The following ATP11A variants were observed in gnomAD, a reference collection of about 807,000 sequenced individuals.
ATP11A encodes the protein phospholipid-transporting ATPase IH.
In ATP11A, 81 loss-of-function variants were observed where a neutral mutation model predicts 154.4. The ratio of observed to expected loss-of-function variants is 0.52; its 90% CI spans 0.44 to 0.63. The LOEUF (loss-of-function observed/expected upper bound fraction) is 0.63. Ranked by LOEUF, ATP11A falls within the 30% of genes least tolerant of loss-of-function variation. ATP11A has a pLI of 0.00. For missense variants in ATP11A, 1,316 were observed against 1,474.3 expected (o/e 0.89, Z 1.76); for synonymous variants, 623 against 585.9 (o/e 1.06, Z -0.91).
Position 112,859,382 on chromosome 13 carries a change from T to C in ATP11A, c.2668-11T>C. ...CCGTCACCGAACTAACAGTTATGCC[T>C]TGCCTTTCAGAACGTCTGCTTCATC... On this transcript the variant is annotated splice_polypyrimidine_tract_variant and intron_variant, in intron 22 of 29. Coordinates refer to ENST00000375645, the MANE Select transcript of ATP11A (RefSeq NM_015205.3). This position sits in a 1 kb window ranked among gnomAD's most constrained non-coding sequence, Gnocchi z 4.3. 1 of 1,613,612 alleles carries C rather than the reference T, an allele frequency of 6.2e-7. No individual in the cohort carries two copies. The highest frequency in any genetic ancestry group is 8.5e-7 in the Non-Finnish European group (1 of 1,179,508).
intron 2 of ATP11A, among the ~76,000 whole-genome samples, chr13:112,804,527 G>A (rs1261997230): frequency 1.5e-5 from 2 of 135,158 alleles, no homozygotes; most frequent in African/African-American, 2.9e-5. Flanking sequence ...CTGAGCTGTG[G>A]ACAAGAAACA....
chr13:112,733,849 A>C (rs908457098), intron 1 of ATP11A, among the ~76,000 whole-genome samples: 2 of 152,116 alleles, frequency 1.3e-5, no homozygotes, highest in Admixed American at 6.5e-5. Context: ...TGGACAGCCA[A>C]ATCTCATTTT....
Position 112,810,716 on chromosome 13 carries a change from G to A in ATP11A, c.431G>A (p.Arg144Gln), listed in dbSNP as rs367846799. ...QHGKLVRKQS[R>Q]KLRVGDIVMV... is the part of the protein sequence containing the mutation. ...GGCAAGCTCGTTCGGAAACAAAGTC[G>A]AAAGCTGCGAGTAAGTGACACCCGA... is the stretch of plus-strand genomic sequence containing the variant. The change falls in exon 5 of 30, where the codon CGA becomes CAA. Residue 144 changes from arginine (R) to glutamine (Q), a missense_variant. By Grantham distance (43) the Arg-to-Gln change is conservative. Transcript: ENST00000375645. 78 of 1,613,870 alleles carry A rather than the reference G, an allele frequency of 4.8e-5. No homozygotes were observed. In the South Asian group the frequency reaches 6.6e-4, roughly 14 times the overall value.
chr13:112,859,176 C>T lies in ATP11A; in HGVS notation c.2668-217C>T, dbSNP rs1488126208. On this transcript the variant is annotated intron_variant, in intron 22 of 29. Coordinates refer to ENST00000375645, the MANE Select transcript of ATP11A (RefSeq NM_015205.3). The surrounding 1 kb of genome is among the most constrained non-coding windows in gnomAD (Gnocchi z 4.3). Reference sequence around the variant, plus strand: ...TTCTCTTGGAGCTGACAAATTTCCTCTATACGTTGTCTGTCCTGAGTGGCC... The same window carrying T: ...TTCTCTTGGAGCTGACAAATTTCCTTTATACGTTGTCTGTCCTGAGTGGCC... The T allele has an allele frequency of 5.3e-6, 3 of 562,518 alleles. No homozygotes were observed. The highest frequency in any genetic ancestry group is 3.0e-5 in the East Asian group (1 of 33,222). 34.8% of individuals were successfully genotyped at this position (562,518 alleles called of 1,614,324 possible). A position where few individuals can be genotyped will look rare whatever the true frequency, so the allele number is the denominator to read the frequency against.
Position 112,819,313 on chromosome 13 carries a change from G to A in ATP11A, c.580G>A (p.Ala194Thr), listed in dbSNP as rs756462545. Residue 194 changes from alanine (A) to threonine (T), a missense_variant, in exon 7 of 30, where the codon GCG (alanine) becomes ACG (threonine). Physicochemically the swap from Ala to Thr is moderately conservative, Grantham distance 58. Coordinates refer to ENST00000375645, the MANE Select transcript of ATP11A (RefSeq NM_015205.3). ...DGESSHKTHYAVQDTKGFHTE... is the reference protein window; with the variant it reads ...DGESSHKTHYTVQDTKGFHTE... ...TCTTGTGCATTTGTAGACGCATTAC[G>A]CGGTCCAGGACACCAAAGGCTTCCA... The A allele has an allele frequency of 8.1e-6, 13 of 1,614,048 alleles. No individual in the cohort carries two copies. Among genetic ancestry groups the A allele is most frequent in the South Asian group, 4.4e-5 (4 of 91,090 alleles).
chr13:112,883,405 C>G lies in ATP11A; in HGVS notation c.*1539C>G. ...CTGCTGCCTTTCAGGAAAGCACCAC[C>G]AACGCTGGAGGAGGAGCCGGCCCTC... On this transcript the variant is annotated 3_prime_UTR_variant, in exon 30 of 30. Transcript: ENST00000375645. 2.6e-6 allele frequency: 1 copy of G among 389,670 alleles called. No individual in the cohort carries two copies. The highest frequency in any genetic ancestry group is 4.5e-6 in the Non-Finnish European group (1 of 220,890). The allele number at this position is 389,670 out of a possible 1,614,324, so 24.1% of individuals were successfully genotyped here. A position where few individuals can be genotyped will look rare whatever the true frequency, so the allele number is the denominator to read the frequency against.
chr13:112,768,000 G>T (rs575683978), intron 1 of ATP11A, among the ~76,000 whole-genome samples: 1 of 152,194 alleles, frequency 6.6e-6, no homozygotes, highest in Non-Finnish European at 1.5e-5. Context: ...CTGCTCTCTG[G>T]CCTGGCTTGG....
intron 1 of ATP11A, among the ~76,000 whole-genome samples, chr13:112,706,972 C>T (rs973839832): frequency 7.9e-5 from 12 of 152,144 alleles, no homozygotes; most frequent in African/African-American, 2.4e-4. Context: ...GTGGAAAAGA[C>T]GTTAGACAAA....
At chr13:112,863,613 A>G (rs1173530820) in intron 25 of ATP11A, among the ~76,000 whole-genome samples, 1 of 148,874 alleles carries the variant, frequency 6.7e-6, no homozygotes, top group African/African-American at 2.5e-5. Context: ...AGCGGGGTCC[A>G]TCACCACCTG....
chr13:112,831,527 G>A lies in ATP11A; in HGVS notation c.1374G>A (p.Ser458=), dbSNP rs778285031. The A allele has an allele frequency of 4.5e-5, 73 of 1,614,008 alleles. No homozygotes were observed. In the South Asian group the frequency reaches 6.4e-4, roughly 14 times the overall value. The change falls in exon 13 of 30, where the codon TCG becomes TCA. Residue 458 remains serine (S), a synonymous_variant. Transcript: ENST00000375645. ...PESSGIDMID[S]SPSVNGRERE... ...CGTCAGGAATCGACATGATTGACTC[G>A]TCCCCCAGCGTCAACGGGAGGGTAG...
chr13:112,775,606 G>C (rs2077329094), intron 1 of ATP11A, among the ~76,000 whole-genome samples: 1 of 152,186 alleles, frequency 6.6e-6, no homozygotes, highest in Admixed American at 6.5e-5. Context: ...ATTTCTGTAA[G>C]AAAAAAATTG....
At position 112,815,430 on chromosome 13, in the gene ATP11A, C is replaced by T. The variant is rs114763777; in HGVS notation, c.442-653C>T. Among the ~76,000 whole-genome samples, 591 of 151,028 alleles carry T rather than the reference C, an allele frequency of 3.9e-3. 4 individuals are homozygous for T. The highest frequency in any genetic ancestry group is 0.013 in the African/African-American group (550 of 41,060). ...ATGCCTTCCTCACCCGGCAGACACA[C>T]AGTCCAGATCTGCAATGCCTTCCTC... On this transcript the variant is annotated intron_variant, in intron 5 of 29. Transcript: ENST00000375645.
At chr13:112,855,486 AT>A (rs1467226343) in intron 19 of ATP11A, among the ~76,000 whole-genome samples, 3 of 152,150 alleles carry the variant, frequency 2.0e-5, no homozygotes, top group Admixed American at 2.0e-4. Flanking sequence ...CCTTCTTGTC[AT>A]TTTGAAACCC....
At chr13:112,861,840 T>G (rs964295745) in intron 24 of ATP11A, among the ~76,000 whole-genome samples, 3 of 151,094 alleles carry the variant, frequency 2.0e-5, no homozygotes, top group Admixed American at 6.6e-5. Context: ...AAAGGAATCC[T>G]GCAAATTCTG....
At chr13:112,764,603 A>G (rs2077032833) in intron 1 of ATP11A, among the ~76,000 whole-genome samples, 1 of 152,168 alleles carries the variant, frequency 6.6e-6, no homozygotes, top group Non-Finnish European at 1.5e-5. Context: ...CAGGGATGGC[A>G]TTAAAGGAGC....
At chr13:112,857,695 A>G (rs2079970143) in intron 20 of ATP11A, 123 bp from the exon 21 acceptor site, 1 of 755,546 alleles carries the variant, frequency 1.3e-6, no homozygotes, top group Non-Finnish European at 2.2e-6. Context: ...AATTACCTCT[A>G]AGTAGTTAAT....
At position 112,746,100 on chromosome 13, in the gene ATP11A, G is replaced by A. The variant is rs923596194; in HGVS notation, c.40-39035G>A. ...TCCGTTCACCTGTGATGGACTCTTGGGCGTCTGCCGTAGGCCGCTGTGAAT... is the reference window on the plus strand; with the variant it reads ...TCCGTTCACCTGTGATGGACTCTTGAGCGTCTGCCGTAGGCCGCTGTGAAT... On this transcript the variant is annotated intron_variant, in intron 1 of 29. Transcript: ENST00000375645. The surrounding 1 kb of genome is among the most constrained non-coding windows in gnomAD (Gnocchi z 4.1). 6.0e-5 allele frequency: 9 copies of A among 150,674 alleles called. No individual in the cohort carries two copies. The highest frequency in any genetic ancestry group is 1.0e-4 in the Non-Finnish European group (7 of 68,044). The allele number at this position is 150,674 out of a possible 1,614,324, so 9.3% of individuals were successfully genotyped here.
At position 112,746,766 on chromosome 13, in the gene ATP11A, A is replaced by T. The variant is rs1345028061; in HGVS notation, c.40-38369A>T. The stretch of plus-strand genomic sequence containing the variant: ...TTTTTTGGAGAGGGAGGGTCTCATT[A>T]GGTTGCTCAGGCTGGTATTGAACTC... On this transcript the variant is annotated intron_variant, in intron 1 of 29. Coordinates refer to ENST00000375645, the MANE Select transcript of ATP11A (RefSeq NM_015205.3). The surrounding 1 kb of genome is among the most constrained non-coding windows in gnomAD (Gnocchi z 4.1). 2 of 149,986 alleles carry T rather than the reference A, an allele frequency of 1.3e-5. No individual in the cohort carries two copies. Among genetic ancestry groups the T allele is most frequent in the East Asian group, 3.9e-4 (2 of 5,066 alleles). 9.3% of individuals were successfully genotyped at this position (149,986 alleles called of 1,614,324 possible). A position where few individuals can be genotyped will look rare whatever the true frequency, so the allele number is the denominator to read the frequency against.
chr13:112,830,841 CA>C, intron 12 of ATP11A, among the ~76,000 whole-genome samples: 1 of 152,352 alleles, frequency 6.6e-6, no homozygotes, highest in East Asian at 1.9e-4. Context: ...ATCTTTAACA[CA>C]TATCACAGTT....
Sources: gnomAD v4.1 joint callset for allele counts (sites outside exome capture counted in the v4.1 genomes callset) on GRCh38, gnomAD v4.1.1 for gene constraint, Gnocchi (gnomAD v3.1) non-coding constraint, MANE v1.5 for transcripts, NCBI Gene and HGNC (gene_info 2026-07-23, HGNC 2026-07-21) for gene names.